TSC22D2: variants seen among roughly 807,000 people sequenced by gnomAD.
The protein encoded by TSC22D2 is TSC22 domain family protein 2.
A neutral mutation model predicts 50.1 loss-of-function variants in TSC22D2; 5 were observed. That is an observed-to-expected ratio of 0.10 (90% CI 0.05 to 0.21). The LOEUF (loss-of-function observed/expected upper bound fraction) is 0.21. Ranked by LOEUF, TSC22D2 falls within the 10% of genes least tolerant of loss-of-function variation. TSC22D2 has a pLI of 1.00. For missense variants in TSC22D2, 1,003 were observed against 1,015.5 expected, an observed-to-expected ratio of 0.99 and a Z score of 0.17; for synonymous variants, 501 against 450.1, an observed-to-expected ratio of 1.11 and a Z score of -1.43.
intron 1 of TSC22D2, among the ~76,000 whole-genome samples, chr3:150,413,503 A>C (rs1719668620): frequency 6.6e-6 from 1 of 151,390 alleles, no homozygotes; most frequent in Admixed American, 6.6e-5. Context: ...CACTGGTCCA[A>C]CATACCTGGT....
In TSC22D2 at chr3:150,410,586, C is replaced by G; in HGVS notation, c.1236C>G (p.Pro412=). 6.4e-7 allele frequency: 1 copy of G among 1,557,432 alleles called. No homozygotes were observed. Among genetic ancestry groups the G allele is most frequent in the Non-Finnish European group, 8.7e-7 (1 of 1,152,572 alleles). Residue 412 remains proline (P), a synonymous_variant, in exon 1 of 3, where the codon CCC becomes CCG. Coordinates refer to ENST00000688009, the MANE Select transcript of TSC22D2 (RefSeq NM_001303264.2). ...GCCCCGCCACGGCGGCCACCCTTCC[C>G]GTGGGCACCGGCCAGAATGCTTCCT... The part of the protein sequence containing the change: ...AASPATAATL[P]VGTGQNASSV...
intron 1 of TSC22D2, among the ~76,000 whole-genome samples, chr3:150,432,504 A>G (rs937500409): frequency 2.6e-4 from 39 of 151,404 alleles, no homozygotes; most frequent in South Asian, 6.2e-4. Context: ...AAGTGTATGT[A>G]TGTTTGTACA....
chr3:150,466,017 C>G lies in TSC22D2; in HGVS notation c.*7381C>G, dbSNP rs1576564355. On this transcript the variant is annotated 3_prime_UTR_variant, in exon 3 of 3. Coordinates refer to ENST00000688009, the MANE Select transcript of TSC22D2 (RefSeq NM_001303264.2). ...CTATGAAATTGGAAAAACCAAAATA[C>G]TCATCAAGAGGATGGACTATGGTAC... The G allele has an allele frequency of 6.6e-6, 1 of 152,038 alleles. No individual in the cohort carries two copies. Among genetic ancestry groups the G allele is most frequent in the African/African-American group, 2.4e-5 (1 of 41,380 alleles). 9.4% of individuals were successfully genotyped at this position (152,038 alleles called of 1,614,324 possible).
At chr3:150,449,377 T>C (rs1209699582) in intron 1 of TSC22D2, among the ~76,000 whole-genome samples, 2 of 152,186 alleles carry the variant, frequency 1.3e-5, no homozygotes, top group Non-Finnish European at 2.9e-5. Context: ...TGCTTCTATC[T>C]CTGTCCTGCA....
chr3:150,412,963 T>C (rs1719648238), intron 1 of TSC22D2, among the ~76,000 whole-genome samples: 1 of 152,124 alleles, frequency 6.6e-6, no homozygotes, highest in Non-Finnish European at 1.5e-5. Context: ...CTTCAAGAAA[T>C]GATGACTGGT....
chr3:150,429,054 T>C (rs1194700518), intron 1 of TSC22D2, among the ~76,000 whole-genome samples: 1 of 152,200 alleles, frequency 6.6e-6, no homozygotes, highest in Non-Finnish European at 1.5e-5. Context: ...TTCGTCATTA[T>C]TGGCTGTGAT....
At position 150,409,008 on chromosome 3, in the gene TSC22D2, G is replaced by T. The variant is rs1209075308; in HGVS notation, c.-343G>T. ...GGACTGACCACGGCTGCCCGGAGAC[G>T]AGAGAGGAAGCAGCCGGCCCGCCCC... On this transcript the variant is annotated 5_prime_UTR_variant, in exon 1 of 3. Coordinates refer to ENST00000688009, the MANE Select transcript of TSC22D2 (RefSeq NM_001303264.2). This position sits in a 1 kb window ranked among gnomAD's most constrained non-coding sequence, Gnocchi z 7.4. 5 of 210,738 alleles carry T rather than the reference G, an allele frequency of 2.4e-5. No individual in the cohort carries two copies. The South Asian group carries it at 3.7e-4, about 15-fold the overall frequency. 13.1% of individuals were successfully genotyped at this position (210,738 alleles called of 1,614,324 possible). A position where few individuals can be genotyped will look rare whatever the true frequency, so the allele number is the denominator to read the frequency against.
intron 2 of TSC22D2, among the ~76,000 whole-genome samples, chr3:150,458,144 A>G (rs1315304527): frequency 6.6e-6 from 1 of 151,234 alleles, no homozygotes; most frequent in Admixed American, 6.6e-5. Flanking sequence ...AGAAGCTAGT[A>G]TTTTTTGGAA....
chr3:150,421,298 T>A (rs1237479279), intron 1 of TSC22D2, among the ~76,000 whole-genome samples: 2 of 152,036 alleles, frequency 1.3e-5, no homozygotes. Flanking sequence ...CTAGTTCCCA[T>A]ATGTTCCTGG....
intron 1 of TSC22D2, among the ~76,000 whole-genome samples, chr3:150,433,803 A>G (rs971493789): frequency 1.3e-5 from 2 of 152,248 alleles, no homozygotes; most frequent in Admixed American, 6.5e-5. Flanking sequence ...TCCTGAGCAC[A>G]GTGGCTCATG....
chr3:150,422,306 A>C (rs1440634826), intron 1 of TSC22D2, among the ~76,000 whole-genome samples: 1 of 152,168 alleles, frequency 6.6e-6, no homozygotes, highest in Non-Finnish European at 1.5e-5. Context: ...CAGTCCCTAG[A>C]TTTGAGGTGA....
At chr3:150,448,990 C>T (rs548405948) in intron 1 of TSC22D2, among the ~76,000 whole-genome samples, 2 of 151,866 alleles carry the variant, frequency 1.3e-5, no homozygotes, top group South Asian at 4.1e-4. Flanking sequence ...TTACCATTTG[C>T]TTACCAGATT....
intron 1 of TSC22D2, among the ~76,000 whole-genome samples, chr3:150,418,192 A>G (rs941659200): frequency 6.6e-6 from 1 of 151,970 alleles, no homozygotes; most frequent in Non-Finnish European, 1.5e-5. Flanking sequence ...AGCTTTCATG[A>G]TGCTCTGTGA....
Position 150,459,051 on chromosome 3 carries a change from A to C in TSC22D2, c.*415A>C, listed in dbSNP as rs1721289744. ...CTGATTCAGTAACATTTGCCTACATAAGTTTTCATTTATTTGTGTTTTATT... is the reference window on the plus strand; with the variant it reads ...CTGATTCAGTAACATTTGCCTACATCAGTTTTCATTTATTTGTGTTTTATT... On this transcript the variant is annotated 3_prime_UTR_variant, in exon 3 of 3. Transcript: ENST00000688009. 1 of 156,600 alleles carries C rather than the reference A, an allele frequency of 6.4e-6. No homozygotes were observed. The highest frequency in any genetic ancestry group is 1.4e-5 in the Non-Finnish European group (1 of 71,228). 9.7% of individuals were successfully genotyped at this position (156,600 alleles called of 1,614,324 possible). A position where few individuals can be genotyped will look rare whatever the true frequency, so the allele number is the denominator to read the frequency against.
rs1189302547 is a variant in TSC22D2, at chr3:150,458,846, C to T, written c.*210C>T. 1 of 573,236 alleles carries T rather than the reference C, an allele frequency of 1.7e-6. No homozygotes were observed. The highest frequency in any genetic ancestry group is 3.4e-5 in the Admixed American group (1 of 29,648). The allele number at this position is 573,236 out of a possible 1,614,324, so 35.5% of individuals were successfully genotyped here. A position where few individuals can be genotyped will look rare whatever the true frequency, so the allele number is the denominator to read the frequency against. ...TGTCCAGTTCTATGTCATCAGTACA[C>T]AAGGAGAATAATAGATGGGGTTTAT... On this transcript the variant is annotated 3_prime_UTR_variant, in exon 3 of 3. Transcript: ENST00000688009.
intron 1 of TSC22D2, among the ~76,000 whole-genome samples, chr3:150,451,724 T>C (rs187927962): frequency 1.3e-5 from 2 of 152,308 alleles, no homozygotes; most frequent in East Asian, 3.9e-4. Context: ...CTCAGGCTTA[T>C]TGTAAGGACT....
rs906250303 is a variant in TSC22D2, at chr3:150,409,046, C to G, written c.-305C>G. ...GCCGGCCCGCCCCTGGGTTCGCGCT[C>G]TCGCCGCCTCTGAGGGAATTGAATT... On this transcript the variant is annotated 5_prime_UTR_variant, in exon 1 of 3. Coordinates refer to ENST00000688009, the MANE Select transcript of TSC22D2 (RefSeq NM_001303264.2). The surrounding 1 kb of genome is among the most constrained non-coding windows in gnomAD (Gnocchi z 7.4). 2.9e-4 allele frequency: 75 copies of G among 255,462 alleles called. 1 individual carries two copies. The highest frequency in any genetic ancestry group is 1.5e-4 in the Non-Finnish European group (20 of 132,634). 15.8% of individuals were successfully genotyped at this position (255,462 alleles called of 1,614,324 possible).
intron 1 of TSC22D2, among the ~76,000 whole-genome samples, chr3:150,436,793 C>T (rs942423118): frequency 2.0e-5 from 3 of 152,090 alleles, no homozygotes; most frequent in Admixed American, 2.0e-4. Context: ...TGGAAAAATT[C>T]TAATAGTTTT....
chr3:150,409,216 C>A lies in TSC22D2; in HGVS notation c.-135C>A. 1.9e-6 allele frequency: 2 copies of A among 1,029,252 alleles called. No individual in the cohort carries two copies. Among genetic ancestry groups the A allele is most frequent in the African/African-American group, 1.6e-5 (1 of 62,080 alleles). 63.8% of individuals were successfully genotyped at this position (1,029,252 alleles called of 1,614,324 possible). Reference sequence around the variant, plus strand: ...GGCCAGCGCCTGGATCAGCCCGTGACTCTTAACAGCGGCGGGCCTCAGACC... The same window carrying A: ...GGCCAGCGCCTGGATCAGCCCGTGAATCTTAACAGCGGCGGGCCTCAGACC... On this transcript the variant is annotated 5_prime_UTR_variant, in exon 1 of 3. Coordinates refer to ENST00000688009, the MANE Select transcript of TSC22D2 (RefSeq NM_001303264.2). This position sits in a 1 kb window ranked among gnomAD's most constrained non-coding sequence, Gnocchi z 7.4.
Sources: allele counts gnomAD v4.1 joint callset (sites outside exome capture counted in the v4.1 genomes callset), GRCh38; gene constraint gnomAD v4.1.1; non-coding constraint Gnocchi (gnomAD v3.1); transcripts MANE v1.5; gene names NCBI Gene and HGNC (gene_info 2026-07-23, HGNC 2026-07-21).